The following PRELID2 variants were observed in gnomAD, a reference collection of about 807,000 sequenced individuals.
PRELID2 encodes the protein PRELI domain-containing protein 2.
Under a neutral mutation model 28.4 loss-of-function variants are expected in PRELID2, and 25 were observed. The ratio of observed to expected loss-of-function variants is 0.88; its 90% confidence interval spans 0.64 to 1.23. PRELID2 has a LOEUF of 1.23. PRELID2 is among the 50% of genes most tolerant of loss of function. PRELID2 has a pLI of 0.00. For synonymous variants in PRELID2, 76 were observed against 71.6 expected (o/e 1.06, Z -0.31); for missense variants, 201 against 214.4 (o/e 0.94, Z 0.39).
At chr5:145,776,771 C>T (rs1204544212) in intron 5 of PRELID2, among the ~76,000 whole-genome samples, 1 of 152,194 alleles carries the variant, frequency 6.6e-6, no homozygotes, top group East Asian at 1.9e-4. Context: ...TCTACTATTT[C>T]AGTTGCTAAC....
intron 1 of PRELID2, among the ~76,000 whole-genome samples, chr5:145,678,334 T>C (rs528867783): frequency 6.6e-6 from 1 of 152,334 alleles, no homozygotes; most frequent in South Asian, 2.1e-4. Flanking sequence ...AAGGCAGAAG[T>C]GATCTTTCCC....
the PRELID2 span, among the ~76,000 whole-genome samples, chr5:145,408,297 G>A: frequency 1.1e-4 from 17 of 151,382 alleles, no homozygotes; most frequent in African/African-American, 3.9e-4. Flanking sequence ...TACAAACTAA[G>A]AAGAAATCTC....
At chr5:145,579,637 C>T (rs1272738086) in intron 1 of PRELID2, among the ~76,000 whole-genome samples, 4 of 152,064 alleles carry the variant, frequency 2.6e-5, no homozygotes, top group African/African-American at 9.7e-5. Flanking sequence ...GAGTCACCTG[C>T]ATATCATTTT....
At chr5:145,755,369 C>A (rs78555749), downstream of PRELID2, among the ~76,000 whole-genome samples, 945 of 152,288 alleles carry the variant, frequency 6.2e-3, 15 homozygotes, top group African/African-American at 0.021. Context: ...CACAATAATG[C>A]TCCTGCTCAT....
At chr5:145,744,313 GT>G (rs34348727) in intron 1 of PRELID2, among the ~76,000 whole-genome samples, 1 of 152,170 alleles carries the variant, frequency 6.6e-6, no homozygotes, top group African/African-American at 2.4e-5. Context: ...CAGACGAGGG[GT>G]TTCCCCCCAT....
At chr5:145,248,821 T>C in the PRELID2 span, among the ~76,000 whole-genome samples, 3 of 151,974 alleles carry the variant, frequency 2.0e-5, no homozygotes, top group African/African-American at 7.2e-5. Context: ...CACGTAAGTT[T>C]TTCTGCACTC....
chr5:145,572,377 G>T (rs1338533326), intron 1 of PRELID2, among the ~76,000 whole-genome samples: 1 of 152,118 alleles, frequency 6.6e-6, no homozygotes, highest in Admixed American at 6.6e-5. Flanking sequence ...AACTTCCTCA[G>T]AATAAATCCC....
At chr5:145,695,043 A>G (rs949548716) in intron 1 of PRELID2, among the ~76,000 whole-genome samples, 2 of 152,214 alleles carry the variant, frequency 1.3e-5, no homozygotes, top group Non-Finnish European at 2.9e-5. Flanking sequence ...GTAGTGTCCC[A>G]AAAAGTCATG....
At chr5:145,549,036 C>T (rs954012300) in intron 1 of PRELID2, among the ~76,000 whole-genome samples, 2 of 152,198 alleles carry the variant, frequency 1.3e-5, no homozygotes, top group Non-Finnish European at 2.9e-5. Flanking sequence ...TGTCACCTCA[C>T]TAACTCTTAC....
rs73304062 is a variant in PRELID2 at position 145,757,149 on chromosome 5, C to T, written c.*3387G>A. Among the ~76,000 whole-genome samples the T allele has an allele frequency of 4.4e-3, 673 of 152,210 alleles. 7 individuals carry two copies. Among genetic ancestry groups the T allele is most frequent in the African/African-American group, 0.015 (606 of 41,518 alleles). ...ACCTTGAGTTTTCTACACCATGCAC[C>T]GCACAATGTCTGATAAACAAGTATC... On this transcript the variant is annotated 3_prime_UTR_variant, in exon 7 of 7. Coordinates refer to ENST00000683046, the MANE Select transcript of PRELID2 (RefSeq NM_205846.3).
chr5:145,742,129 TATAA>T (rs1387909552), intron 1 of PRELID2, among the ~76,000 whole-genome samples: 5 of 5,446 alleles, frequency 9.2e-4, no homozygotes, highest in South Asian at 3.6e-3. Flanking sequence ...ATTTATTAAT[TATAA>T]ATAAATAAAT....
the PRELID2 span, among the ~76,000 whole-genome samples, chr5:145,393,630 G>C: frequency 6.6e-6 from 1 of 152,190 alleles, no homozygotes; most frequent in Non-Finnish European, 1.5e-5. Context: ...GGTTTGAACA[G>C]TTAGCTGCCT....
intron 1 of PRELID2, among the ~76,000 whole-genome samples, chr5:145,689,913 C>T (rs934922103): frequency 1.8e-4 from 27 of 151,738 alleles, no homozygotes; most frequent in African/African-American, 6.5e-4. Context: ...CTTTTCTAAA[C>T]AATGGCTCTT....
intron 5 of PRELID2, among the ~76,000 whole-genome samples, chr5:145,793,731 T>C (rs1472215400): frequency 6.6e-6 from 1 of 152,192 alleles, no homozygotes; most frequent in Non-Finnish European, 1.5e-5. Context: ...TGAACCTCCC[T>C]GGGCATTTCC....
the PRELID2 span, among the ~76,000 whole-genome samples, chr5:145,444,522 G>A: frequency 6.6e-6 from 1 of 151,848 alleles, no homozygotes; most frequent in African/African-American, 2.4e-5. Context: ...CCTGAGTCAT[G>A]GGTCATGAAT....
At chr5:145,690,360 A>G (rs1347851319) in intron 1 of PRELID2, among the ~76,000 whole-genome samples, 2 of 152,126 alleles carry the variant, frequency 1.3e-5, no homozygotes, top group Non-Finnish European at 2.9e-5. Context: ...AGTGGAATAT[A>G]TGACAGCCTT....
chr5:145,376,028 G>A, the PRELID2 span, among the ~76,000 whole-genome samples: 1 of 152,270 alleles, frequency 6.6e-6, no homozygotes, highest in African/African-American at 2.4e-5. Flanking sequence ...TATGGGCTGT[G>A]GGTTTGTCAC....
chr5:145,247,097 A>G, the PRELID2 span, among the ~76,000 whole-genome samples: 1 of 152,292 alleles, frequency 6.6e-6, no homozygotes, highest in African/African-American at 2.4e-5. Flanking sequence ...CTCTTCACTC[A>G]GTGAATCAGC....
At chr5:145,349,608 A>AT in the PRELID2 span, among the ~76,000 whole-genome samples, 9 of 152,278 alleles carry the variant, frequency 5.9e-5, no homozygotes, top group Non-Finnish European at 8.8e-5. Flanking sequence ...CACTCCACAT[A>AT]TACAACCATC....
Sources: allele counts gnomAD v4.1 joint callset (sites outside exome capture counted in the v4.1 genomes callset), GRCh38; gene constraint gnomAD v4.1.1; transcripts MANE v1.5; gene names NCBI Gene and HGNC (gene_info 2026-07-23, HGNC 2026-07-21).